The following TNKS variants were observed in gnomAD, a reference collection of about 807,000 sequenced individuals.
TNKS encodes the protein poly [ADP-ribose] polymerase tankyrase-1.
A neutral mutation model predicts 135.8 loss-of-function variants in TNKS; 72 were observed. That is an observed-to-expected ratio of 0.53 (90% CI 0.44 to 0.64). TNKS has a LOEUF of 0.64. Ranked by LOEUF, TNKS falls within the 30% of genes least tolerant of loss-of-function variation. The pLI, the probability that TNKS is intolerant of heterozygous loss-of-function variation, is 0.00. For synonymous variants in TNKS, 849 were observed against 649.3 expected (o/e 1.31, Z -4.68); for missense variants, 1,769 against 1,674.0 (o/e 1.06, Z -0.99).
At chr8:9,714,808 C>A (rs1227196158) in intron 11 of TNKS, among the ~76,000 whole-genome samples, 1 of 152,066 alleles carries the variant, frequency 6.6e-6, no homozygotes, top group Non-Finnish European at 1.5e-5. Flanking sequence ...GTTTCCTACG[C>A]CTTGATAATG....
chr8:9,556,831 G>C lies in TNKS; in HGVS notation c.673+219G>C. 3 of 597,200 alleles carry C rather than the reference G, an allele frequency of 5.0e-6. No individual in the cohort carries two copies. The South Asian group carries it at 6.2e-5, about 12-fold the overall frequency. The allele number at this position is 597,200 out of a possible 1,614,324, so 37.0% of individuals were successfully genotyped here. On this transcript the variant is annotated intron_variant, in intron 1 of 26. Coordinates refer to ENST00000310430, the MANE Select transcript of TNKS (RefSeq NM_003747.3). ...GAATCCAAGGAATTCTTCAGTGGTTGCACAGTACTCATTACAAAACTCACT... is the reference window on the plus strand; with the variant it reads ...GAATCCAAGGAATTCTTCAGTGGTTCCACAGTACTCATTACAAAACTCACT...
At position 9,733,282 on chromosome 8, in the gene TNKS, C is replaced by G. The variant is rs1282633633; in HGVS notation, c.2151C>G (p.Gly717=). ...AAAATAACTTTCTTTTGTTTAGTGG[C>G]TTGGTGCCCCTTCATAATGCCTGTT... ...GADVHAKDKG[G]LVPLHNACSY... The change falls in exon 15 of 27, where the codon GGC becomes GGG. Residue 717 remains glycine, a synonymous_variant. Coordinates refer to ENST00000310430, the MANE Select transcript of TNKS (RefSeq NM_003747.3). 1 of 1,557,308 alleles carries G rather than the reference C, an allele frequency of 6.4e-7. No homozygotes were observed. The highest frequency in any genetic ancestry group is 1.4e-5 in the African/African-American group (1 of 71,952).
At chr8:9,572,379 A>G (rs1797788093) in intron 1 of TNKS, among the ~76,000 whole-genome samples, 1 of 152,226 alleles carries the variant, frequency 6.6e-6, no homozygotes, top group Non-Finnish European at 1.5e-5. Flanking sequence ...CAAAGTGTCC[A>G]TGCTGTTTGG....
chr8:9,602,597 C>T (rs1347615420), intron 2 of TNKS, among the ~76,000 whole-genome samples: 3 of 152,168 alleles, frequency 2.0e-5, no homozygotes, highest in South Asian at 4.1e-4. Context: ...GAGCCAGTAG[C>T]CTACACCTAC....
chr8:9,677,676 T>C (rs192752094), intron 3 of TNKS, among the ~76,000 whole-genome samples: 121 of 152,334 alleles, frequency 7.9e-4, no homozygotes, highest in African/African-American at 2.8e-3. Flanking sequence ...CTTGCAGCTT[T>C]TTAAGTATAC....
chr8:9,652,368 C>T (rs914314850), intron 3 of TNKS, among the ~76,000 whole-genome samples: 1 of 152,166 alleles, frequency 6.6e-6, no homozygotes, highest in African/African-American at 2.4e-5. Context: ...CGTTTGAATA[C>T]ATTTCACTTT....
At chr8:9,626,240 T>C (rs554465542) in intron 3 of TNKS, among the ~76,000 whole-genome samples, 110 of 152,352 alleles carry the variant, frequency 7.2e-4, no homozygotes, top group Middle Eastern at 3.4e-3. Context: ...TTGAGATTTG[T>C]GTGACACAGA....
At chr8:9,566,966 G>A (rs1237622651) in intron 1 of TNKS, among the ~76,000 whole-genome samples, 2 of 152,172 alleles carry the variant, frequency 1.3e-5, no homozygotes, top group Non-Finnish European at 1.5e-5. Flanking sequence ...AAGTAATGGT[G>A]CCAGATTTAA....
rs546139706 is a variant in TNKS at position 9,782,139 on chromosome 8, C to T, written c.*5403C>T. 2.0e-5 allele frequency: 3 copies of T among 152,640 alleles called. No individual in the cohort carries two copies. Among genetic ancestry groups the T allele is most frequent in the African/African-American group, 7.2e-5 (3 of 41,546 alleles). The allele number at this position is 152,640 out of a possible 1,614,324, so 9.5% of individuals were successfully genotyped here. ...CAGCATGTTAAAGTCCTCTAGTCAT[C>T]ATCTCGTCACCTGAAATGGAAGTCC... On this transcript the variant is annotated 3_prime_UTR_variant, in exon 27 of 27. Transcript: ENST00000310430.
At chr8:9,697,051 A>G (rs1445423924) in intron 5 of TNKS, among the ~76,000 whole-genome samples, 2 of 152,180 alleles carry the variant, frequency 1.3e-5, no homozygotes, top group South Asian at 2.1e-4. Flanking sequence ...TTCAAACTAT[A>G]CTGTCAGGCT....
intron 8 of TNKS, among the ~76,000 whole-genome samples, chr8:9,707,321 G>A (rs996603931): frequency 1.3e-5 from 2 of 152,162 alleles, no homozygotes; most frequent in African/African-American, 4.8e-5. Context: ...ATATAGCAGT[G>A]TACAAACCAT....
In TNKS at chr8:9,556,006, G is replaced by A; in HGVS notation, c.67G>A (p.Gly23Arg). ...HHQQQLQPAP[G>R]ASAPPPPPPP... ...TCAACAACAGCTCCAGCCCGCCCCA[G>A]GGGCTTCAGCGCCGCCGCCGCCACC... is the stretch of plus-strand genomic sequence containing the variant. The change falls in exon 1 of 27, where the codon GGG (glycine) becomes AGG (arginine). Residue 23 changes from glycine (G) to arginine (R), a missense_variant. By Grantham distance (125) the Gly-to-Arg change is moderately radical. This residue lies in a region of TNKS where 450 missense variants were observed against 304.9 expected (regional missense o/e 1.48). Transcript: ENST00000310430. 1.2e-6 allele frequency: 2 copies of A among 1,613,138 alleles called. No individual in the cohort carries two copies. Among genetic ancestry groups the A allele is most frequent in the Non-Finnish European group, 1.7e-6 (2 of 1,179,820 alleles).
At chr8:9,713,116 T>C (rs758879580) in intron 11 of TNKS, among the ~76,000 whole-genome samples, 2 of 152,138 alleles carry the variant, frequency 1.3e-5, no homozygotes, top group Non-Finnish European at 1.5e-5. Context: ...TTTATGTTTT[T>C]AATTTATGAA....
Position 9,759,848 on chromosome 8 carries a change from G to A in TNKS, c.3154-1668G>A, listed in dbSNP as rs192196665. Among the ~76,000 whole-genome samples the A allele has an allele frequency of 1.7e-3, 266 of 152,144 alleles. 1 individual carries two copies. In the Middle Eastern group the frequency reaches 0.02, roughly 12 times the overall value. On this transcript the variant is annotated intron_variant, in intron 20 of 26. Transcript: ENST00000310430. ...AAATTAGCCGGGCGTGGTGGCGGGC[G>A]CCTGTAGTCCCAGCGACTTGAGAGG...
chr8:9,641,061 C>G (rs1462171211), intron 3 of TNKS, among the ~76,000 whole-genome samples: 3 of 145,948 alleles, frequency 2.1e-5, no homozygotes, highest in African/African-American at 7.6e-5. Context: ...TAATAAGATG[C>G]CCCACTGTTC....
At chr8:9,701,737 A>G (rs879638398) in intron 5 of TNKS, among the ~76,000 whole-genome samples, 7 of 152,232 alleles carry the variant, frequency 4.6e-5, no homozygotes, top group Non-Finnish European at 7.3e-5. Context: ...AGGAGGGGAA[A>G]ACCAGGAGGA....
At chr8:9,713,496 C>G (rs546773275) in intron 11 of TNKS, among the ~76,000 whole-genome samples, 1 of 152,104 alleles carries the variant, frequency 6.6e-6, no homozygotes, top group Admixed American at 6.6e-5. Flanking sequence ...TTTATTTGCC[C>G]TTTATGTGCA....
chr8:9,651,805 CA>C (rs1563142881), intron 3 of TNKS, among the ~76,000 whole-genome samples: 1 of 152,154 alleles, frequency 6.6e-6, no homozygotes, highest in Admixed American at 6.5e-5. Context: ...ATCAGCCAGG[CA>C]AATTGGTAGT....
rs764008035 is a variant in TNKS, at chr8:9,710,157, G to T, written c.1686G>T (p.Leu562=). The change falls in exon 11 of 27, where the codon CTG becomes CTT. Residue 562 remains leucine (L), a synonymous_variant. Coordinates refer to ENST00000310430, the MANE Select transcript of TNKS (RefSeq NM_003747.3). Reference sequence around the variant, plus strand: ...TTTTCTGTAGTTTCATGACTCCCCTGCATGTTGCAGCCGAAAGAGCCCATA... The same window carrying T: ...TTTTCTGTAGTTTCATGACTCCCCTTCATGTTGCAGCCGAAAGAGCCCATA... ...NEKNKDFMTP[L]HVAAERAHND... 3.7e-6 allele frequency: 6 copies of T among 1,614,100 alleles called. No individual in the cohort carries two copies. Among genetic ancestry groups the T allele is most frequent in the Non-Finnish European group, 5.1e-6 (6 of 1,180,010 alleles).
Sources: allele counts gnomAD v4.1 joint callset (sites outside exome capture counted in the v4.1 genomes callset), GRCh38; gene constraint gnomAD v4.1.1; regional missense constraint gnomAD v4.1.1; transcripts MANE v1.5; gene names NCBI Gene and HGNC (gene_info 2026-07-23, HGNC 2026-07-21).